The following IFIH1 variants were observed in gnomAD, a reference collection of about 807,000 sequenced individuals.
The protein encoded by IFIH1 is interferon induced with helicase C domain 1.
A neutral mutation model predicts 107.4 loss-of-function variants in IFIH1; 125 were observed. The ratio of observed to expected loss-of-function variants is 1.16; its 90% CI spans 1.01 to 1.35. IFIH1 has a LOEUF of 1.35. IFIH1 is among the 40% of genes most tolerant of loss of function. The pLI is 0.00. For synonymous variants in IFIH1, 458 were observed against 413.2 expected, an observed-to-expected ratio of 1.11 and a Z score of -1.31; for missense variants, 1,333 against 1,213.7, an observed-to-expected ratio of 1.10 and a Z score of -1.46.
intron 4 of IFIH1, among the ~76,000 whole-genome samples, 166 bp downstream of exon 4, chr2:162,293,398 C>T (rs1683031337): frequency 6.6e-6 from 1 of 151,886 alleles, no homozygotes. Context: ...TTGTAAGTTA[C>T]ACTTTTAAAG....
intron 3 of IFIH1, among the ~76,000 whole-genome samples, chr2:162,304,373 G>A (rs1004264364): frequency 1.3e-5 from 2 of 152,092 alleles, no homozygotes; most frequent in Non-Finnish European, 2.9e-5. Context: ...GAGGTGGGAG[G>A]ATCACTTGCG....
At chr2:162,284,928 A>G (rs1184607033) in intron 5 of IFIH1, among the ~76,000 whole-genome samples, 1 of 151,946 alleles carries the variant, frequency 6.6e-6, no homozygotes, top group Non-Finnish European at 1.5e-5. Context: ...TGAGTCAAAA[A>G]TCTTCAAAAG....
chr2:162,279,483 A>G (rs1232587813), intron 8 of IFIH1, among the ~76,000 whole-genome samples: 1 of 152,072 alleles, frequency 6.6e-6, no homozygotes, highest in African/African-American at 2.4e-5. Flanking sequence ...ATTCCTGAAA[A>G]ATTCATCAGA....
intron 12 of IFIH1, 56 bp from the exon 13 acceptor site, chr2:162,272,443 C>T (rs1013316221): frequency 5.3e-5 from 76 of 1,430,484 alleles, no homozygotes; most frequent in Non-Finnish European, 6.9e-5. Flanking sequence ...ACAAATCCTC[C>T]TGGTTTTTTC....
chr2:162,271,373 C>T (rs370662120), intron 13 of IFIH1, among the ~76,000 whole-genome samples: 14 of 149,544 alleles, frequency 9.4e-5, no homozygotes, highest in African/African-American at 2.2e-4. Flanking sequence ...AACCAAACCC[C>T]GCATGTTCTC....
At chr2:162,315,354 A>G (rs1389482831) in intron 1 of IFIH1, among the ~76,000 whole-genome samples, 3 of 152,198 alleles carry the variant, frequency 2.0e-5, no homozygotes, top group African/African-American at 7.2e-5. Flanking sequence ...AATCCTAGTT[A>G]GGTTCTGGGA....
At chr2:162,276,574 C>T (rs1682666131) in intron 11 of IFIH1, 113 bp downstream of exon 11, 1 of 1,177,778 alleles carries the variant, frequency 8.5e-7, no homozygotes, top group South Asian at 1.5e-5. Flanking sequence ...CACTGCTCTT[C>T]AGCCTGAGTG....
At chr2:162,276,293 G>A (rs550423743) in intron 11 of IFIH1, among the ~76,000 whole-genome samples, 195 of 152,240 alleles carry the variant, frequency 1.3e-3, no homozygotes, top group African/African-American at 4.5e-3. Flanking sequence ...TTTGAGAAGA[G>A]TAATAACAGC....
chr2:162,288,232 C>T lies in IFIH1; in HGVS notation c.998G>A (p.Ser333Asn). ...GTAAACAGCCACTCTGGTTTTTCCA[C>T]TCCCTGTAGGGAGGCAGATGATGAT... ...KNIIICLPTGSGKTRVAVYIA... is the reference protein window; with the variant it reads ...KNIIICLPTGNGKTRVAVYIA... Residue 333 changes from serine to asparagine, a missense_variant, in exon 5 of 16, where the codon AGT (serine) becomes AAT (asparagine). Ser to Asn is a conservative substitution (Grantham distance 46). Coordinates refer to ENST00000649979, the MANE Select transcript of IFIH1 (RefSeq NM_022168.4). 1 of 1,612,790 alleles carries T rather than the reference C, an allele frequency of 6.2e-7. No homozygotes were observed. The highest frequency in any genetic ancestry group is 1.1e-5 in the South Asian group (1 of 91,064).
At chr2:162,273,692 A>G in intron 12 of IFIH1, 103 bp downstream of exon 12, 2 of 913,248 alleles carry the variant, frequency 2.2e-6, no homozygotes, top group Non-Finnish European at 3.3e-6. Flanking sequence ...GCTTTGTTTT[A>G]AAAACTAAAA....
intron 3 of IFIH1, among the ~76,000 whole-genome samples, chr2:162,293,873 T>C (rs982270878): frequency 1.3e-5 from 2 of 151,850 alleles, no homozygotes; most frequent in African/African-American, 4.8e-5. Flanking sequence ...GGGTAGTGAT[T>C]CAAATACATA....
chr2:162,288,934 C>CACACAA (rs1383225107), intron 4 of IFIH1, among the ~76,000 whole-genome samples: 1 of 151,168 alleles, frequency 6.6e-6, no homozygotes, highest in African/African-American at 2.4e-5. Context: ...CACACACACA[C>CACACAA]ACACACACAC....
Position 162,318,454 on chromosome 2 carries a change from C to T in IFIH1, c.-147G>A. On this transcript the variant is annotated 5_prime_UTR_variant, in exon 1 of 16. The change creates a new upstream start codon in the 5' untranslated region. Coordinates refer to ENST00000649979, the MANE Select transcript of IFIH1 (RefSeq NM_022168.4). ...TGCCTGACAATGACGAGGTTGTCCA[C>T]AGGGCTCTCAGGCCGGCGCGCGGGG... 1 of 679,454 alleles carries T rather than the reference C, an allele frequency of 1.5e-6. No individual in the cohort carries two copies. Among genetic ancestry groups the T allele is most frequent in the Non-Finnish European group, 2.5e-6 (1 of 407,358 alleles). The allele number at this position is 679,454 out of a possible 1,614,324, so 42.1% of individuals were successfully genotyped here.
rs1683342980 is a variant in IFIH1 at position 162,309,031 on chromosome 2, G to T, written c.622+1734C>A. ...CATGTTTCTTTTCCATAATACAATG[G>T]TGGGACAGGCATAGGATGGACGTCT... On this transcript the variant is annotated intron_variant, in intron 2 of 15. Transcript: ENST00000649979. Among the ~76,000 whole-genome samples, 5 of 152,172 alleles carry T rather than the reference G, an allele frequency of 3.3e-5. No homozygotes were observed. In the South Asian group the frequency reaches 1.0e-3, roughly 32 times the overall value.
At chr2:162,287,786 T>C (rs1050709586) in intron 5 of IFIH1, among the ~76,000 whole-genome samples, 2 of 151,968 alleles carry the variant, frequency 1.3e-5, no homozygotes, top group Non-Finnish European at 1.5e-5. Flanking sequence ...TTTGCAATGA[T>C]AAATTAGCTA....
At position 162,318,184 on chromosome 2, in the gene IFIH1, C is replaced by A; in HGVS notation, c.124G>T (p.Val42Leu). The A allele has an allele frequency of 1.2e-6, 2 of 1,614,220 alleles. No individual in the cohort carries two copies. ...ACTGTCCTCTGAATCTGCTCCTTCA[C>A]CTCTGCAGGCAGAAAGGTCAGGTAG... is the stretch of plus-strand genomic sequence containing the variant. ...LDYLTFLPAE[V>L]KEQIQRTVAT... Residue 42 changes from valine to leucine, a missense_variant, in exon 1 of 16, where the codon GTG becomes TTG. Coordinates refer to ENST00000649979, the MANE Select transcript of IFIH1 (RefSeq NM_022168.4).
rs566391244 is a variant in IFIH1 at position 162,310,515 on chromosome 2, T to C, written c.622+250A>G. 434 of 516,078 alleles carry C rather than the reference T, an allele frequency of 8.4e-4. 5 individuals carry two copies. The highest frequency in any genetic ancestry group is 6.7e-3 in the African/African-American group (345 of 51,546). The allele number at this position is 516,078 out of a possible 1,614,324, so 32.0% of individuals were successfully genotyped here. ...CTTGATAAAATTTCTGGTAGTCATA[T>C]TGTTTTTAAAATAAGGTAGTAGAAA... On this transcript the variant is annotated intron_variant, in intron 2 of 15. Transcript: ENST00000649979.
chr2:162,289,188 C>G (rs1012121196), intron 4 of IFIH1, among the ~76,000 whole-genome samples: 1 of 151,530 alleles, frequency 6.6e-6, no homozygotes, highest in Non-Finnish European at 1.5e-5. Context: ...TCCACATATT[C>G]CAACTTTTTC....
At position 162,276,667 on chromosome 2, in the gene IFIH1, G is replaced by A. The variant is rs561559397; in HGVS notation, c.2304+20C>T. 7.4e-5 allele frequency: 117 copies of A among 1,582,530 alleles called. 1 individual carries two copies. In the South Asian group the frequency reaches 7.8e-4, roughly 11 times the overall value. ...AAAGAGAAAGAAAAGAAAAGAAGTC[G>A]TCCAAAAGGATATTTATACCTGTGT... On this transcript the variant is annotated intron_variant, in intron 11 of 15. Coordinates refer to ENST00000649979, the MANE Select transcript of IFIH1 (RefSeq NM_022168.4).
Sources: gnomAD v4.1 joint callset for allele counts (sites outside exome capture counted in the v4.1 genomes callset) on GRCh38, gnomAD v4.1.1 for gene constraint, MANE v1.5 for transcripts, NCBI Gene and HGNC (gene_info 2026-07-23, HGNC 2026-07-21) for gene names.